Variants in ZNF451 observed in about 807,000 individuals in gnomAD.
The protein encoded by ZNF451 is E3 SUMO-protein ligase ZNF451.
ZNF451 carries 80 observed loss-of-function variants against 107.1 expected under a neutral mutation model. That is an observed-to-expected ratio of 0.75 (90% CI 0.62 to 0.90). ZNF451 has a LOEUF of 0.90. Ranked by LOEUF, ZNF451 falls within the 40% of genes least tolerant of loss-of-function variation. The pLI is 0.00. For synonymous variants in ZNF451, 362 were observed against 406.5 expected (o/e 0.89, Z 1.32); for missense variants, 1,107 against 1,236.2 (o/e 0.90, Z 1.57).
intron 2 of ZNF451, among the ~76,000 whole-genome samples, chr6:57,094,894 GT>G (rs1829214835): frequency 6.6e-6 from 1 of 152,160 alleles, no homozygotes; most frequent in Non-Finnish European, 1.5e-5. Flanking sequence ...ACCCCACTCA[GT>G]TTTCCCATCT....
intron 7 of ZNF451, among the ~76,000 whole-genome samples, chr6:57,139,000 G>A (rs570509467): frequency 6.6e-6 from 1 of 151,748 alleles, no homozygotes; most frequent in East Asian, 1.9e-4. Flanking sequence ...ACAACTTTAT[G>A]TGAGTTCATT....
rs9475777 is a variant in ZNF451 at position 57,104,372 on chromosome 6, A to G, written c.186+5231A>G. The G allele has an allele frequency of 9.8e-4, 964 of 985,416 alleles. 8 individuals carry two copies. The African/African-American group carries it at 0.016, about 16-fold the overall frequency. The allele number at this position is 985,416 out of a possible 1,614,324, so 61.0% of individuals were successfully genotyped here. On this transcript the variant is annotated intron_variant, in intron 3 of 14. Transcript: ENST00000370706. ...TTGGAAATGTTTTATGTGGCTGCAC[A>G]TAAGTGTTTCTGACTAGCTAAGGCT...
chr6:57,123,346 A>G (rs1830735954), intron 3 of ZNF451, among the ~76,000 whole-genome samples: 1 of 152,244 alleles, frequency 6.6e-6, no homozygotes, highest in East Asian at 1.9e-4. Flanking sequence ...TGAAATCATT[A>G]TGCAAAGGTG....
intron 13 of ZNF451, among the ~76,000 whole-genome samples, chr6:57,156,798 T>C (rs1243583933): frequency 1.3e-5 from 2 of 152,124 alleles, no homozygotes; most frequent in African/African-American, 4.8e-5. Context: ...GGAAGACAAT[T>C]TTTCCATGGA....
rs1198836056 is a variant in ZNF451, at chr6:57,148,447, G to A, written c.2362G>A (p.Val788Ile). ...GAGTGATGAGGAGGAGCAGCAGTATGTAATCAAGTGTGGCACCTGCACCAA... is the reference window on the plus strand; with the variant it reads ...GAGTGATGAGGAGGAGCAGCAGTATATAATCAAGTGTGGCACCTGCACCAA... ...EKSDEEEQQY[V>I]IKCGTCTKAF... Residue 788 changes from valine to isoleucine, a missense_variant, in exon 10 of 15, where the codon GTA becomes ATA. Coordinates refer to ENST00000370706, the MANE Select transcript of ZNF451 (RefSeq NM_001031623.3). 1 of 1,613,974 alleles carries A rather than the reference G, an allele frequency of 6.2e-7. No homozygotes were observed. Among genetic ancestry groups the A allele is most frequent in the Admixed American group, 1.7e-5 (1 of 60,002 alleles).
chr6:57,107,931 C>T (rs931088897), intron 3 of ZNF451: 28 of 613,552 alleles, frequency 4.6e-5, no homozygotes, highest in East Asian at 1.4e-4. Context: ...CTCTGCCTCC[C>T]GGGTTCACGC....
At chr6:57,148,738 AACTT>A in intron 10 of ZNF451, 45 bp downstream of exon 10, 1 of 1,507,396 alleles carries the variant, frequency 6.6e-7, no homozygotes, top group South Asian at 1.3e-5. Flanking sequence ...CTGATATTGA[AACTT>A]ACAATGTACC....
chr6:57,120,685 A>T (rs1228346855), intron 3 of ZNF451, among the ~76,000 whole-genome samples: 1 of 152,148 alleles, frequency 6.6e-6, no homozygotes, highest in Non-Finnish European at 1.5e-5. Flanking sequence ...TAATCTGTAT[A>T]TCTTCTTTGG....
At chr6:57,091,924 C>G (rs1275008746) in intron 2 of ZNF451, among the ~76,000 whole-genome samples, 1 of 152,192 alleles carries the variant, frequency 6.6e-6, no homozygotes, top group Non-Finnish European at 1.5e-5. Flanking sequence ...GAGTCCTTCA[C>G]AAGATTGTTT....
In ZNF451 at chr6:57,099,419, G is replaced by A. The variant is rs1299906243; in HGVS notation, c.186+278G>A. 3 of 713,020 alleles carry A rather than the reference G, an allele frequency of 4.2e-6. No individual in the cohort carries two copies. In the Admixed American group the frequency reaches 6.2e-5, roughly 15 times the overall value. 44.2% of individuals were successfully genotyped at this position (713,020 alleles called of 1,614,324 possible). ...ATAAAATGGAAATGGAATAAAAACT[G>A]CAAGCTTATTGATTCCTCTTTCCCT... On this transcript the variant is annotated intron_variant, in intron 3 of 14. Coordinates refer to ENST00000370706, the MANE Select transcript of ZNF451 (RefSeq NM_001031623.3).
At chr6:57,151,203 GAA>G in intron 11 of ZNF451, 2 of 154,770 alleles carry the variant, frequency 1.3e-5, no homozygotes, top group Non-Finnish European at 2.8e-5. Context: ...CTACTAAAAA[GAA>G]AAAAAAAATA....
At chr6:57,119,811 A>T (rs1279172033) in intron 3 of ZNF451, among the ~76,000 whole-genome samples, 1 of 151,782 alleles carries the variant, frequency 6.6e-6, no homozygotes, top group Non-Finnish European at 1.5e-5. Flanking sequence ...CTATTTAGGA[A>T]TGTCAGCCCT....
At chr6:57,134,642 G>A in intron 6 of ZNF451, 102 bp from the exon 7 acceptor site, 3 of 1,011,226 alleles carry the variant, frequency 3.0e-6, no homozygotes, top group Non-Finnish European at 4.3e-6. Flanking sequence ...GCAAAGTTCT[G>A]AATGTGTGTG....
intron 12 of ZNF451, among the ~76,000 whole-genome samples, chr6:57,152,698 G>A (rs532542016): frequency 1.3e-5 from 2 of 152,064 alleles, no homozygotes; most frequent in Non-Finnish European, 2.9e-5. Flanking sequence ...GGCTGAAATG[G>A]TTCTTGTGCC....
intron 5 of ZNF451, among the ~76,000 whole-genome samples, chr6:57,131,733 T>C (rs1831186852): frequency 1.3e-5 from 2 of 152,190 alleles, no homozygotes; most frequent in South Asian, 4.1e-4. Flanking sequence ...TTTAAATGCT[T>C]AGGGGCTTTG....
In ZNF451 at chr6:57,152,500, A is replaced by G. The variant is rs1832397785; in HGVS notation, c.2883+149A>G. 5.8e-6 allele frequency: 5 copies of G among 863,550 alleles called. No homozygotes were observed. In the East Asian group the frequency reaches 1.3e-4, roughly 22 times the overall value. 53.5% of individuals were successfully genotyped at this position (863,550 alleles called of 1,614,324 possible). On this transcript the variant is annotated intron_variant, in intron 12 of 14. Coordinates refer to ENST00000370706, the MANE Select transcript of ZNF451 (RefSeq NM_001031623.3). ...TTATGAAGGCAGGACCCCATAGCAT[A>G]TTTTTATTGCTTTATCCTCAACTTC...
intron 7 of ZNF451, among the ~76,000 whole-genome samples, chr6:57,136,895 C>T (rs1463506131): frequency 2.0e-5 from 3 of 152,110 alleles, no homozygotes; most frequent in Non-Finnish European, 4.4e-5. Flanking sequence ...AGATTTATGA[C>T]CTTCAGCGTT....
chr6:57,159,315 A>G (rs1211387212), intron 13 of ZNF451: 3 of 985,252 alleles, frequency 3.0e-6, no homozygotes, highest in Non-Finnish European at 3.6e-6. Flanking sequence ...CTTGCATGCA[A>G]TGATGAATTG....
At chr6:57,143,583 C>G (rs1304594753) in intron 9 of ZNF451, among the ~76,000 whole-genome samples, 1 of 152,168 alleles carries the variant, frequency 6.6e-6, no homozygotes, top group Non-Finnish European at 1.5e-5. Flanking sequence ...ACTGCTTTAC[C>G]TGCATGCCAC....
Sources: allele counts gnomAD v4.1 joint callset (sites outside exome capture counted in the v4.1 genomes callset), GRCh38; gene constraint gnomAD v4.1.1; transcripts MANE v1.5; gene names NCBI Gene and HGNC (gene_info 2026-07-23, HGNC 2026-07-21).